Variants in CSMD1 observed in about 807,000 individuals in gnomAD.
CSMD1 encodes the protein CUB and sushi domain-containing protein 1.
A neutral mutation model predicts 417.5 loss-of-function variants in CSMD1; 213 were observed. The ratio of observed to expected loss-of-function variants is 0.51; its 90% CI spans 0.46 to 0.57. CSMD1 has a LOEUF of 0.57. CSMD1 is among the 20% of genes least tolerant of loss of function. The pLI is 0.00. For synonymous variants in CSMD1, 2,862 were observed against 1,736.8 expected (o/e 1.65, Z -16.11); for missense variants, 6,923 against 4,529.7 (o/e 1.53, Z -15.17).
intron 3 of CSMD1, among the ~76,000 whole-genome samples, chr8:4,118,072 C>T (rs1802262735): frequency 6.6e-6 from 1 of 151,732 alleles, no homozygotes; most frequent in South Asian, 2.1e-4. Context: ...TAACATCGGC[C>T]ATATGATTAG....
At position 3,997,854 on chromosome 8, in the gene CSMD1, CG is replaced by C. The variant is rs765207947; in HGVS notation, c.818+48del. The C allele has an allele frequency of 1.3e-5, 19 of 1,465,524 alleles. No individual in the cohort carries two copies. The African/African-American group carries it at 2.2e-4, about 17-fold the overall frequency. The allele number at this position is 1,465,524 out of a possible 1,614,324, so 90.8% of individuals were successfully genotyped here. A position where few individuals can be genotyped will look rare whatever the true frequency, so the allele number is the denominator to read the frequency against. On this transcript the variant is annotated intron_variant, in intron 5 of 69. Coordinates refer to ENST00000635120, the MANE Select transcript of CSMD1 (RefSeq NM_033225.6). ...TCTTGAAGCTCGTTGGGGGAAAAAACGGGGAAAACACACCTGTATCCTTTGT... is the reference window on the plus strand; with the variant it reads ...TCTTGAAGCTCGTTGGGGGAAAAAACGGGAAAACACACCTGTATCCTTTGT...
At chr8:4,697,454 T>C (rs1263572161) in intron 1 of CSMD1, among the ~76,000 whole-genome samples, 1 of 152,166 alleles carries the variant, frequency 6.6e-6, no homozygotes, top group Non-Finnish European at 1.5e-5. Flanking sequence ...GCAAGTTCAA[T>C]ACGTAAAAAA....
chr8:3,441,067 G>A (rs1401695662), intron 12 of CSMD1, among the ~76,000 whole-genome samples: 1 of 152,140 alleles, frequency 6.6e-6, no homozygotes, highest in Non-Finnish European at 1.5e-5. Flanking sequence ...ACACATAGAG[G>A]AGAAAACAGA....
intron 3 of CSMD1, among the ~76,000 whole-genome samples, chr8:4,237,480 T>A (rs1178457197): frequency 6.6e-6 from 1 of 152,094 alleles, no homozygotes; most frequent in Non-Finnish European, 1.5e-5. Context: ...AATAAGGTAA[T>A]ATGGCTAAAC....
intron 1 of CSMD1, among the ~76,000 whole-genome samples, chr8:4,760,835 C>T (rs1010280485): frequency 6.6e-6 from 1 of 152,176 alleles, no homozygotes; most frequent in Non-Finnish European, 1.5e-5. Flanking sequence ...AAGGAATTCC[C>T]ATAGAATAAT....
At chr8:4,102,011 G>C (rs17068996) in intron 3 of CSMD1, among the ~76,000 whole-genome samples, 2 of 152,084 alleles carry the variant, frequency 1.3e-5, no homozygotes, top group Non-Finnish European at 2.9e-5. Flanking sequence ...AATAGCTGAG[G>C]GATTACTGTC....
chr8:3,754,735 G>A (rs1358469954), intron 5 of CSMD1, among the ~76,000 whole-genome samples: 1 of 152,218 alleles, frequency 6.6e-6, no homozygotes, highest in Non-Finnish European at 1.5e-5. Context: ...GATTACAAGC[G>A]TGAGCCACGG....
intron 2 of CSMD1, among the ~76,000 whole-genome samples, chr8:4,442,585 C>A (rs542583112): frequency 1.3e-5 from 2 of 152,178 alleles, no homozygotes; most frequent in Non-Finnish European, 2.9e-5. Context: ...TCACTTATAG[C>A]TCTTCCCCAA....
At chr8:4,689,442 A>T (rs1246556948) in intron 1 of CSMD1, among the ~76,000 whole-genome samples, 1 of 152,212 alleles carries the variant, frequency 6.6e-6, no homozygotes, top group African/African-American at 2.4e-5. Flanking sequence ...TTTAATGGGT[A>T]TGCATTTATA....
At chr8:4,507,283 A>G (rs975130582) in intron 2 of CSMD1, among the ~76,000 whole-genome samples, 2 of 152,220 alleles carry the variant, frequency 1.3e-5, no homozygotes, top group Non-Finnish European at 2.9e-5. Flanking sequence ...AACTATTTTC[A>G]TTAAATTCTA....
chr8:4,644,611 G>A (rs759893618), intron 1 of CSMD1, among the ~76,000 whole-genome samples: 22 of 152,166 alleles, frequency 1.4e-4, no homozygotes, highest in Non-Finnish European at 2.1e-4. Flanking sequence ...TGTTCACCGT[G>A]TTGCCCAGGC....
intron 12 of CSMD1, among the ~76,000 whole-genome samples, chr8:3,439,824 A>G (rs1814854821): frequency 6.6e-6 from 1 of 152,176 alleles, no homozygotes; most frequent in Admixed American, 6.5e-5. Context: ...TTTTGAGTAG[A>G]TTTTTGTAAA....
At chr8:3,450,597 G>A (rs561586152) in intron 12 of CSMD1, among the ~76,000 whole-genome samples, 2 of 151,564 alleles carry the variant, frequency 1.3e-5, no homozygotes, top group South Asian at 4.2e-4. Context: ...AGTTTCCTGA[G>A]AATCATGGTT....
intron 3 of CSMD1, among the ~76,000 whole-genome samples, 197 bp from the exon 4 acceptor site, chr8:4,032,296 T>A (rs1038787833): frequency 6.6e-5 from 10 of 152,238 alleles, no homozygotes; most frequent in Non-Finnish European, 1.5e-4. Context: ...AACACTTTTA[T>A]AAACATCATA....
At chr8:4,232,990 G>A (rs184366065) in intron 3 of CSMD1, among the ~76,000 whole-genome samples, 49 of 152,266 alleles carry the variant, frequency 3.2e-4, no homozygotes, top group East Asian at 1.9e-4. Flanking sequence ...GAAACAGGAA[G>A]AGGATAGACG....
chr8:3,535,984 G>A (rs561220357), intron 10 of CSMD1, among the ~76,000 whole-genome samples: 5 of 152,130 alleles, frequency 3.3e-5, no homozygotes, highest in Non-Finnish European at 5.9e-5. Flanking sequence ...CATCCAGGGA[G>A]GGACTCTCCC....
intron 1 of CSMD1, among the ~76,000 whole-genome samples, chr8:4,718,540 G>T (rs1310908601): frequency 6.6e-6 from 1 of 151,578 alleles, no homozygotes; most frequent in Non-Finnish European, 1.5e-5. Flanking sequence ...TACTAGCTAA[G>T]GGAATTTGAA....
At chr8:4,250,356 C>T (rs1001320915) in intron 3 of CSMD1, among the ~76,000 whole-genome samples, 1 of 152,118 alleles carries the variant, frequency 6.6e-6, no homozygotes, top group Non-Finnish European at 1.5e-5. Flanking sequence ...TGTGTGTCCC[C>T]TAATGTGACT....
At chr8:4,950,351 T>G (rs1274257889) in intron 1 of CSMD1, among the ~76,000 whole-genome samples, 2 of 151,868 alleles carry the variant, frequency 1.3e-5, no homozygotes, top group Non-Finnish European at 2.9e-5. Flanking sequence ...AGACAGATTT[T>G]CAAAAGTTAA....
Sources: gnomAD v4.1 joint callset for allele counts (sites outside exome capture counted in the v4.1 genomes callset) on GRCh38, gnomAD v4.1.1 for gene constraint, MANE v1.5 for transcripts, NCBI Gene and HGNC (gene_info 2026-07-23, HGNC 2026-07-21) for gene names.